EXT1: variants seen among roughly 807,000 people sequenced by gnomAD.
EXT1 encodes exostosin glycosyltransferase 1, also known as exostosin-1.
Under a neutral mutation model 82.5 loss-of-function variants are expected in EXT1, and 20 were observed. The ratio of observed to expected loss-of-function variants is 0.24; its 90% CI spans 0.17 to 0.35. The LOEUF is 0.35. EXT1 is among the 10% of genes least tolerant of loss of function. The pLI, the probability that EXT1 is intolerant of heterozygous loss-of-function variation, is 1.00. For missense variants in EXT1, 757 were observed against 936.5 expected (o/e 0.81, Z 2.50); for synonymous variants, 348 against 350.8 (o/e 0.99, Z 0.09).
At chr8:117,926,899 C>CA (rs945913981) in intron 1 of EXT1, among the ~76,000 whole-genome samples, 3 of 152,262 alleles carry the variant, frequency 2.0e-5, no homozygotes, top group African/African-American at 7.2e-5. Flanking sequence ...AAAAATTCTA[C>CA]AAAAAAACTA....
chr8:118,043,022 G>A (rs899848234), intron 1 of EXT1, among the ~76,000 whole-genome samples: 9 of 152,192 alleles, frequency 5.9e-5, no homozygotes, highest in African/African-American at 2.2e-4. Flanking sequence ...GAACTCAGCA[G>A]TCTCAAATGC....
intron 1 of EXT1, among the ~76,000 whole-genome samples, chr8:118,046,500 A>G (rs1434097552): frequency 6.6e-6 from 1 of 152,186 alleles, no homozygotes; most frequent in African/African-American, 2.4e-5. Flanking sequence ...AGCACTGGCC[A>G]GAGTTCTGTG....
At chr8:117,927,181 A>C (rs1813968323) in intron 1 of EXT1, among the ~76,000 whole-genome samples, 1 of 152,232 alleles carries the variant, frequency 6.6e-6, no homozygotes, top group South Asian at 2.1e-4. Flanking sequence ...GGCTCTCCCC[A>C]GCCGGCTATC....
intron 1 of EXT1, among the ~76,000 whole-genome samples, chr8:117,942,343 G>A (rs1814299778): frequency 1.3e-5 from 2 of 152,098 alleles, no homozygotes; most frequent in Admixed American, 1.3e-4. Context: ...ATAATGTAGG[G>A]GAAAGGCAGA....
chr8:118,068,809 A>AT (rs1156837985), intron 1 of EXT1, among the ~76,000 whole-genome samples: 1 of 152,224 alleles, frequency 6.6e-6, no homozygotes, highest in African/African-American at 2.4e-5. Flanking sequence ...TATTTTTTAT[A>AT]TTCAATAGAC....
At chr8:118,038,382 C>T (rs904303814) in intron 1 of EXT1, among the ~76,000 whole-genome samples, 10 of 152,142 alleles carry the variant, frequency 6.6e-5, no homozygotes, top group African/African-American at 2.2e-4. Flanking sequence ...TTGTGGAGCA[C>T]GTCTTCTGTC....
At chr8:117,984,201 C>CT (rs1023410170) in intron 1 of EXT1, among the ~76,000 whole-genome samples, 3 of 152,150 alleles carry the variant, frequency 2.0e-5, no homozygotes, top group African/African-American at 7.2e-5. Context: ...GGTGGATGAC[C>CT]TGAGGTCAGA....
chr8:117,972,574 C>A (rs1043811590), intron 1 of EXT1, among the ~76,000 whole-genome samples: 2 of 152,146 alleles, frequency 1.3e-5, no homozygotes, highest in African/African-American at 4.8e-5. Context: ...ACTATGGTGG[C>A]AAATGCAAAA....
chr8:117,905,442 G>A lies in EXT1; in HGVS notation c.963-68241C>T, dbSNP rs1317248398. ...GGCAGCTTGATAAAACTTTGTAGAA[G>A]GGGGAGGCGGAGGTTGCAGTGACCT... On this transcript the variant is annotated intron_variant, in intron 1 of 10. Transcript: ENST00000378204. Among the ~76,000 whole-genome samples the A allele has an allele frequency of 2.0e-5, 3 of 152,160 alleles. No individual in the cohort carries two copies. The East Asian group carries it at 5.8e-4, about 29-fold the overall frequency.
intron 1 of EXT1, among the ~76,000 whole-genome samples, chr8:117,937,714 G>A (rs1047314611): frequency 1.3e-5 from 2 of 152,224 alleles, no homozygotes; most frequent in Non-Finnish European, 2.9e-5. Flanking sequence ...CTGAGATCAG[G>A]AAGAAAAATA....
At chr8:117,822,839 A>G (rs545298925) in intron 4 of EXT1, among the ~76,000 whole-genome samples, 1 of 152,312 alleles carries the variant, frequency 6.6e-6, no homozygotes, top group East Asian at 1.9e-4. Flanking sequence ...CAGTTAAACC[A>G]TAAGTTCTAT....
chr8:117,985,990 T>C (rs1228972177), intron 1 of EXT1, among the ~76,000 whole-genome samples: 2 of 152,186 alleles, frequency 1.3e-5, no homozygotes, highest in Admixed American at 6.5e-5. Context: ...GGACTGGAGA[T>C]TTCTTGTTTT....
At chr8:118,021,920 C>T (rs532779008) in intron 1 of EXT1, among the ~76,000 whole-genome samples, 9 of 152,278 alleles carry the variant, frequency 5.9e-5, no homozygotes, top group East Asian at 3.9e-4. Context: ...TGAGCAAGTC[C>T]GAATTCCACC....
Position 117,799,657 on chromosome 8 carries a change from G to T in EXT1, c.*55C>A. 6.3e-7 allele frequency: 1 copy of T among 1,597,242 alleles called. No individual in the cohort carries two copies. Reference sequence around the variant, plus strand: ...TGAGTGGATCTGCACTGGGAAGAGAGAGCAGCTTGACCCCCATCCCTTCTT... The same window carrying T: ...TGAGTGGATCTGCACTGGGAAGAGATAGCAGCTTGACCCCCATCCCTTCTT... On this transcript the variant is annotated 3_prime_UTR_variant, in exon 11 of 11. Coordinates refer to ENST00000378204, the MANE Select transcript of EXT1 (RefSeq NM_000127.3).
chr8:117,879,390 T>C (rs1344302902), intron 1 of EXT1, among the ~76,000 whole-genome samples: 1 of 152,134 alleles, frequency 6.6e-6, no homozygotes, highest in Non-Finnish European at 1.5e-5. Context: ...TTTCTTTCTA[T>C]GGTTAGATGT....
chr8:117,999,964 A>G lies in EXT1; in HGVS notation c.962+110121T>C, dbSNP rs560758028. Among the ~76,000 whole-genome samples, 71 of 151,846 alleles carry G rather than the reference A, an allele frequency of 4.7e-4. 1 individual carries two copies. The highest frequency in any genetic ancestry group is 1.7e-3 in the African/African-American group (69 of 41,328). ...TATATATATATGTATGTGCGTGTAT[A>G]TATATATATGTGTGTGTGTATATAT... On this transcript the variant is annotated intron_variant, in intron 1 of 10. Transcript: ENST00000378204.
At position 117,913,830 on chromosome 8, in the gene EXT1, G is replaced by T. The variant is rs7844054; in HGVS notation, c.963-76629C>A. Among the ~76,000 whole-genome samples, 933 of 152,242 alleles carry T rather than the reference G, an allele frequency of 6.1e-3. 3 individuals are homozygous for T. Among genetic ancestry groups the T allele is most frequent in the African/African-American group, 0.01 (429 of 41,556 alleles). On this transcript the variant is annotated intron_variant, in intron 1 of 10. Coordinates refer to ENST00000378204, the MANE Select transcript of EXT1 (RefSeq NM_000127.3). Reference sequence around the variant, plus strand: ...CTTTTAATAACAACATTGGAAGAATGAACAACTCATTCCAGTGAGGAATTT... The same window carrying T: ...CTTTTAATAACAACATTGGAAGAATTAACAACTCATTCCAGTGAGGAATTT...
At chr8:117,875,555 A>T (rs943926150) in intron 1 of EXT1, among the ~76,000 whole-genome samples, 1 of 152,212 alleles carries the variant, frequency 6.6e-6, no homozygotes, top group Non-Finnish European at 1.5e-5. Context: ...GTGTAATTTC[A>T]GAGCCCCAAC....
intron 1 of EXT1, among the ~76,000 whole-genome samples, chr8:118,051,118 T>C (rs1159194087): frequency 6.6e-6 from 1 of 152,158 alleles, no homozygotes. Context: ...GGTGGATCAC[T>C]TGAGCCCAGG....
Sources: gnomAD v4.1 joint callset for allele counts (sites outside exome capture counted in the v4.1 genomes callset) on GRCh38, gnomAD v4.1.1 for gene constraint, MANE v1.5 for transcripts, NCBI Gene and HGNC (gene_info 2026-07-23, HGNC 2026-07-21) for gene names.